The following RNF115 variants were observed in gnomAD, a reference collection of about 807,000 sequenced individuals.
RNF115 encodes the protein ring finger protein 115.
A neutral mutation model predicts 39.2 loss-of-function variants in RNF115; 31 were observed. The ratio of observed to expected loss-of-function variants is 0.79; its 90% CI spans 0.59 to 1.07. The LOEUF (loss-of-function observed/expected upper bound fraction) is 1.07. Ranked by LOEUF, RNF115 falls within the 50% of genes least tolerant of loss-of-function variation. The probability of loss-of-function intolerance (pLI) is 0.00; values close to 1 mark genes in which losing one functional copy is unlikely to be tolerated. For missense variants in RNF115, 384 were observed against 381.7 expected, an observed-to-expected ratio of 1.01 and a Z score of -0.05; for synonymous variants, 124 against 131.0, an observed-to-expected ratio of 0.95 and a Z score of 0.37.
rs1038644217 is a variant in RNF115 at position 145,824,022 on chromosome 1, C to G, written c.-149G>C. On this transcript the variant is annotated 5_prime_UTR_variant, in exon 1 of 9. Transcript: ENST00000582693. ...CGTCGGTCACGTGAGTTGGCCAGGC[C>G]CAGAAACGCGGCGGCGCCAACAGCT... The G allele has an allele frequency of 5.1e-5, 28 of 546,274 alleles. No individual in the cohort carries two copies. Among genetic ancestry groups the G allele is most frequent in the Admixed American group, 1.3e-4 (3 of 23,020 alleles). The allele number at this position is 546,274 out of a possible 1,614,324, so 33.8% of individuals were successfully genotyped here.
intron 4 of RNF115, among the ~76,000 whole-genome samples, chr1:145,756,178 G>A (rs1271409335): frequency 1.3e-5 from 2 of 151,974 alleles, no homozygotes; most frequent in Non-Finnish European, 1.5e-5. Flanking sequence ...ACCTCAGAAA[G>A]GGCCAGGCAC....
At chr1:145,799,331 G>A (rs930360032) in intron 1 of RNF115, among the ~76,000 whole-genome samples, 21 of 152,268 alleles carry the variant, frequency 1.4e-4, no homozygotes, top group Non-Finnish European at 1.5e-4. Context: ...CTCCCAAAGT[G>A]CTGGGATTAC....
chr1:145,801,043 A>G (rs1553720821), intron 1 of RNF115, among the ~76,000 whole-genome samples: 1 of 152,016 alleles, frequency 6.6e-6, no homozygotes, highest in Non-Finnish European at 1.5e-5. Context: ...TGGTGTTGGG[A>G]GCCTGTAGTC....
At chr1:145,811,908 A>AAAAAT (rs1553722706) in intron 1 of RNF115, among the ~76,000 whole-genome samples, 3 of 55,150 alleles carry the variant, frequency 5.4e-5, no homozygotes, top group South Asian at 6.8e-4. Flanking sequence ...AAAAAAAAAA[A>AAAAAT]ATATATATAT....
At chr1:145,811,293 G>A (rs183427906) in intron 1 of RNF115, among the ~76,000 whole-genome samples, 102 of 149,886 alleles carry the variant, frequency 6.8e-4, no homozygotes, top group African/African-American at 2.5e-3. Flanking sequence ...AGGCCAAGGA[G>A]GAGGACAGCT....
At chr1:145,760,099 C>A (rs1553713653) in intron 4 of RNF115, among the ~76,000 whole-genome samples, 2 of 152,176 alleles carry the variant, frequency 1.3e-5, no homozygotes, top group Admixed American at 1.3e-4. Context: ...GTATGCCCAA[C>A]ATCTGGCACA....
At chr1:145,792,576 T>C (rs1553719150) in intron 1 of RNF115, among the ~76,000 whole-genome samples, 1 of 152,034 alleles carries the variant, frequency 6.6e-6, no homozygotes. Context: ...GCAAATTTAA[T>C]ACAATAATTG....
chr1:145,780,475 C>T, intron 3 of RNF115, among the ~76,000 whole-genome samples: 1 of 151,766 alleles, frequency 6.6e-6, no homozygotes, highest in South Asian at 2.1e-4. Flanking sequence ...AAAAAATTAG[C>T]CAGGCGTGGT....
chr1:145,801,752 T>TTTCAGTAACTCATTTCTAA (rs1553720918), intron 1 of RNF115, among the ~76,000 whole-genome samples: 3 of 152,098 alleles, frequency 2.0e-5, no homozygotes, highest in East Asian at 1.9e-4. Flanking sequence ...TTTCTCTCTT[T>TTTCAGTAACTCATTTCTAA]TTCAGTAACT....
At chr1:145,771,946 T>C (rs371258564) in intron 3 of RNF115, 27 bp from the exon 4 acceptor site, 1 of 1,583,594 alleles carries the variant, frequency 6.3e-7, no homozygotes, top group South Asian at 1.1e-5. Flanking sequence ...ATAAGTCACA[T>C]GTTAGAAAAA....
intron 4 of RNF115, among the ~76,000 whole-genome samples, chr1:145,767,506 G>A (rs1224824822): frequency 1.3e-5 from 2 of 151,980 alleles, no homozygotes; most frequent in Non-Finnish European, 2.9e-5. Flanking sequence ...GCCAGGCAGA[G>A]AGGCTCCTCA....
At chr1:145,754,429 C>T (rs1274427688) in intron 4 of RNF115, among the ~76,000 whole-genome samples, 20 of 152,184 alleles carry the variant, frequency 1.3e-4, no homozygotes, top group African/African-American at 4.3e-4. Context: ...TCTCAGCTCA[C>T]TGCAACCTCC....
intron 7 of RNF115, among the ~76,000 whole-genome samples, chr1:145,750,008 A>AT (rs1265985003): frequency 2.6e-5 from 4 of 152,186 alleles, no homozygotes; most frequent in Admixed American, 2.0e-4. Flanking sequence ...CTCCCAGCCT[A>AT]TTTTTTTCTT....
intron 1 of RNF115, among the ~76,000 whole-genome samples, chr1:145,822,338 A>G (rs1650302183): frequency 6.6e-6 from 1 of 150,998 alleles, no homozygotes; most frequent in Non-Finnish European, 1.5e-5. Flanking sequence ...AAAAAAGAAA[A>G]ACAGCTAAGT....
rs587609121 is a variant in RNF115 at position 145,750,788 on chromosome 1, A to G, written c.574-288T>C. Among the ~76,000 whole-genome samples, 42 of 152,356 alleles carry G rather than the reference A, an allele frequency of 2.8e-4. No homozygotes were observed. The South Asian group carries it at 8.1e-3, about 29-fold the overall frequency. The stretch of plus-strand genomic sequence containing the variant: ...GAGGCAGCAAAAGGGTTGTGGTGTC[A>G]CGAGTAAAACTATAGCTTAATAAAA... On this transcript the variant is annotated intron_variant, in intron 6 of 8. Transcript: ENST00000582693.
chr1:145,800,195 T>C (rs185561682), intron 1 of RNF115, among the ~76,000 whole-genome samples: 1 of 152,176 alleles, frequency 6.6e-6, no homozygotes, highest in Non-Finnish European at 1.5e-5. Context: ...TAAAAGTAGA[T>C]CAGAAGTAAT....
intron 7 of RNF115, among the ~76,000 whole-genome samples, chr1:145,748,491 G>GA (rs1451532224): frequency 6.6e-6 from 1 of 152,176 alleles, no homozygotes; most frequent in Non-Finnish European, 1.5e-5. Context: ...TTGCTACTGT[G>GA]AATCTGTCCA....
chr1:145,750,725 T>C (rs187951559), intron 6 of RNF115, among the ~76,000 whole-genome samples: 1 of 152,142 alleles, frequency 6.6e-6, no homozygotes, highest in Non-Finnish European at 1.5e-5. Context: ...GACAAACCCA[T>C]GATTGCAAGG....
Position 145,746,272 on chromosome 1 carries a change from A to G in RNF115, c.*594T>C, listed in dbSNP as rs1553711738. The G allele has an allele frequency of 6.6e-6, 1 of 152,040 alleles. No individual in the cohort carries two copies. Among genetic ancestry groups the G allele is most frequent in the East Asian group, 1.9e-4 (1 of 5,192 alleles). 9.4% of individuals were successfully genotyped at this position (152,040 alleles called of 1,614,324 possible). A position where few individuals can be genotyped will look rare whatever the true frequency, so the allele number is the denominator to read the frequency against. On this transcript the variant is annotated 3_prime_UTR_variant, in exon 9 of 9. Transcript: ENST00000582693. ...TTAAAATAAGAAAACCAAAGCACACAATGATAAACCACTTTTCTCTTCTTG... is the reference window on the plus strand; with the variant it reads ...TTAAAATAAGAAAACCAAAGCACACGATGATAAACCACTTTTCTCTTCTTG...
Sources: gnomAD v4.1 joint callset for allele counts (sites outside exome capture counted in the v4.1 genomes callset) on GRCh38, gnomAD v4.1.1 for gene constraint, MANE v1.5 for transcripts, NCBI Gene and HGNC (gene_info 2026-07-23, HGNC 2026-07-21) for gene names.